PPP2R5C: variants seen among roughly 807,000 people sequenced by gnomAD.
PPP2R5C encodes the protein protein phosphatase 2 regulatory subunit B'gamma.
Under a neutral mutation model 68.9 loss-of-function variants are expected in PPP2R5C, and 7 were observed. That is an observed-to-expected ratio of 0.10 (90% confidence interval 0.06 to 0.19). The LOEUF (loss-of-function observed/expected upper bound fraction) is 0.19. PPP2R5C is among the 10% of genes least tolerant of loss of function. The probability of loss-of-function intolerance (pLI) is 1.00; values close to 1 mark genes in which losing one functional copy is unlikely to be tolerated. For synonymous variants in PPP2R5C, 210 were observed against 222.2 expected (o/e 0.95, Z 0.49); for missense variants, 348 against 641.3 (o/e 0.54, Z 4.94).
In PPP2R5C at chr14:101,879,047, A is replaced by T. The variant is rs2043979470; in HGVS notation, c.295-3114A>T. On this transcript the variant is annotated intron_variant, in intron 2 of 13. Coordinates refer to ENST00000334743, the Ensembl canonical transcript of PPP2R5C. The surrounding 1 kb of genome is among the most constrained non-coding windows in gnomAD (Gnocchi z 4.2). ...TGGTCACAGAAATCCAATCTAGGTTAAAGCTTTCATCTCAGACCCTCTGCA... is the reference window on the plus strand; with the variant it reads ...TGGTCACAGAAATCCAATCTAGGTTTAAGCTTTCATCTCAGACCCTCTGCA... Among the ~76,000 whole-genome samples, 1 of 152,224 alleles carries T rather than the reference A, an allele frequency of 6.6e-6. No individual in the cohort carries two copies. The highest frequency in any genetic ancestry group is 1.5e-5 in the Non-Finnish European group (1 of 68,038).
intron 9 of PPP2R5C, among the ~76,000 whole-genome samples, chr14:101,902,896 G>C (rs905997934): frequency 6.6e-6 from 1 of 152,136 alleles, no homozygotes; most frequent in Non-Finnish European, 1.5e-5. Context: ...GCTGAGTCGG[G>C]TTAAAGGAAG....
In PPP2R5C at chr14:101,913,927, T is replaced by G. The variant is rs1238108395; in HGVS notation, c.1326+1454T>G. On this transcript the variant is annotated intron_variant, in intron 12 of 13. Transcript: ENST00000334743. The surrounding 1 kb of genome is among the most constrained non-coding windows in gnomAD (Gnocchi z 4.1). ...ACGAATCAGAAGGTCTGATTTTATG[T>G]ACCTAGAATATAGAGATAACTTATT... 6.6e-6 allele frequency among the ~76,000 whole-genome samples: 1 copy of G among 152,306 alleles called. No individual in the cohort carries two copies. Among genetic ancestry groups the G allele is most frequent in the East Asian group, 1.9e-4 (1 of 5,188 alleles).
chr14:101,840,522 C>T (rs922958376), intron 1 of PPP2R5C, among the ~76,000 whole-genome samples: 12 of 149,704 alleles, frequency 8.0e-5, no homozygotes, highest in East Asian at 2.0e-4. Context: ...TCCACTCCAC[C>T]GGTCTTTTAT....
intron 1 of PPP2R5C, among the ~76,000 whole-genome samples, chr14:101,847,191 GGTAAAAAGACAAA>G (rs1219724647): frequency 1.3e-5 from 2 of 152,078 alleles, no homozygotes; most frequent in Non-Finnish European, 2.9e-5. Flanking sequence ...GGATAAAAAT[GGTAAAAAGACAAA>G]GTTCTCCTCT....
At chr14:101,871,148 A>G (rs2043383768) in intron 2 of PPP2R5C, among the ~76,000 whole-genome samples, 1 of 151,668 alleles carries the variant, frequency 6.6e-6, no homozygotes, top group African/African-American at 2.4e-5. Flanking sequence ...TTTACTTTTG[A>G]TCAGTTCGTA....
intron 1 of PPP2R5C, among the ~76,000 whole-genome samples, chr14:101,828,654 T>C (rs1451122412): frequency 6.6e-6 from 1 of 151,720 alleles, no homozygotes; most frequent in Admixed American, 6.6e-5. Flanking sequence ...TAATTAACAC[T>C]TAACTGAAAT....
chr14:101,807,156 T>C (rs1365508334), upstream of PPP2R5C, among the ~76,000 whole-genome samples: 2 of 146,990 alleles, frequency 1.4e-5, no homozygotes, highest in Non-Finnish European at 3.0e-5. Context: ...CGTCAAATTT[T>C]ATTCTGGTAT....
intron 1 of PPP2R5C, among the ~76,000 whole-genome samples, chr14:101,816,883 A>T (rs1351471786): frequency 1.5e-5 from 2 of 132,076 alleles, no homozygotes; most frequent in Non-Finnish European, 3.1e-5. Flanking sequence ...TATATATATT[A>T]TATATATATT....
intron 2 of PPP2R5C, 65 bp downstream of exon 2, chr14:101,763,035 G>A (rs767744789): frequency 7.3e-7 from 1 of 1,377,168 alleles, no homozygotes; most frequent in East Asian, 2.5e-5. Flanking sequence ...TAGAAAAACC[G>A]AGAGTGATAA....
intron 7 of PPP2R5C, 107 bp from the exon 10 acceptor site, chr14:101,894,400 G>A (rs1447037091): frequency 1.6e-5 from 16 of 975,854 alleles, no homozygotes; most frequent in East Asian, 1.2e-4. Flanking sequence ...TGTCTGTACC[G>A]TGGGTCCTTG....
chr14:101,816,941 A>T lies in PPP2R5C; in HGVS notation c.94+6905A>T, dbSNP rs934587642. The stretch of plus-strand genomic sequence containing the variant: ...TATATTTATATAATATATATAATAT[A>T]AAAATATTATATATGTATATATATT... On this transcript the variant is annotated intron_variant, in intron 1 of 13. Coordinates refer to ENST00000334743, the Ensembl canonical transcript of PPP2R5C. 3.8e-4 allele frequency among the ~76,000 whole-genome samples: 54 copies of T among 142,556 alleles called. No individual in the cohort carries two copies. In the East Asian group the frequency reaches 0.01, roughly 27 times the overall value. 93.5% of individuals were successfully genotyped at this position (142,556 alleles called of 152,430 possible).
intron 1 of PPP2R5C, among the ~76,000 whole-genome samples, chr14:101,811,966 GAAGTGTATTAGCCTGA>G (rs1377088629): frequency 6.6e-6 from 1 of 152,098 alleles, no homozygotes; most frequent in African/African-American, 2.4e-5. Context: ...AAAAAGCAGT[GAAGTGTATTAGCCTGA>G]AAGAGACTTG....
At chr14:101,863,585 C>T (rs1378752752) in intron 2 of PPP2R5C, among the ~76,000 whole-genome samples, 2 of 152,054 alleles carry the variant, frequency 1.3e-5, no homozygotes, top group Non-Finnish European at 2.9e-5. Context: ...GCTTCAACAG[C>T]CTTTAGGCTT....
intron 13 of PPP2R5C, chr14:101,921,928 T>C (rs930894054): frequency 1.8e-5 from 17 of 932,354 alleles, no homozygotes; most frequent in Non-Finnish European, 2.2e-5. Context: ...AAATATCATG[T>C]GAATAACATT....
chr14:101,761,024 C>G (rs1322212614), upstream of PPP2R5C, among the ~76,000 whole-genome samples: 2 of 83,534 alleles, frequency 2.4e-5, no homozygotes, highest in South Asian at 5.0e-4. Context: ...GGGCAGGGGA[C>G]GGGGTGGTCG....
intron 2 of PPP2R5C, among the ~76,000 whole-genome samples, chr14:101,866,137 T>C (rs2140702489): frequency 6.6e-6 from 1 of 152,324 alleles, no homozygotes; most frequent in African/African-American, 2.4e-5. Flanking sequence ...TCAGGTGATC[T>C]GCCCACCTCA....
chr14:101,919,665 A>G (rs1255307270), intron 13 of PPP2R5C, among the ~76,000 whole-genome samples: 2 of 152,148 alleles, frequency 1.3e-5, no homozygotes. Flanking sequence ...GAGGCTATAC[A>G]CAGTTAAAAA....
rs374597066 is a variant in PPP2R5C, at chr14:101,904,186, T to C, written c.1024-2216T>C. Among the ~76,000 whole-genome samples the C allele has an allele frequency of 9.2e-5, 14 of 152,180 alleles. No individual in the cohort carries two copies. In the South Asian group the frequency reaches 2.7e-3, roughly 29 times the overall value. On this transcript the variant is annotated intron_variant, in intron 9 of 13. Coordinates refer to ENST00000334743, the Ensembl canonical transcript of PPP2R5C. ...GTTTGTTTTCTTTTTAGACAAAGTTTTGTGCTTGTTGCCCAAGCTAGAGTG... is the reference window on the plus strand; with the variant it reads ...GTTTGTTTTCTTTTTAGACAAAGTTCTGTGCTTGTTGCCCAAGCTAGAGTG...
intron 2 of PPP2R5C, among the ~76,000 whole-genome samples, chr14:101,764,763 T>C (rs1159020052): frequency 1.3e-5 from 2 of 151,772 alleles, no homozygotes; most frequent in Non-Finnish European, 2.9e-5. Flanking sequence ...TCGATGAAGA[T>C]GAAATGTAGG....
Sources: allele counts gnomAD v4.1 joint callset (sites outside exome capture counted in the v4.1 genomes callset), GRCh38; gene constraint gnomAD v4.1.1; non-coding constraint Gnocchi (gnomAD v3.1); transcripts MANE v1.5; gene names NCBI Gene and HGNC (gene_info 2026-07-23, HGNC 2026-07-21).